ZNF469: variants seen among roughly 807,000 people sequenced by gnomAD.
ZNF469 encodes zinc finger protein 469.
ZNF469 carries 1 observed loss-of-function variant against 1.0 expected under a neutral mutation model. That is an observed-to-expected ratio of 1.00 (90% CI 0.35 to 4.73). ZNF469 has a LOEUF of 4.73. Among genes scored for constraint, ZNF469 ranks in the 30% most tolerant of loss-of-function variants. The pLI, the probability that ZNF469 is intolerant of heterozygous loss-of-function variation, is 0.16. For synonymous variants in ZNF469, 2,703 were observed against 2,363.4 expected, an observed-to-expected ratio of 1.14 and a Z score of -4.17; for missense variants, 6,100 against 5,356.3, an observed-to-expected ratio of 1.14 and a Z score of -4.33.
intron 1 of ZNF469, among the ~76,000 whole-genome samples, chr16:88,400,769 G>A (rs1225358991): frequency 6.6e-6 from 1 of 152,082 alleles, no homozygotes; most frequent in Non-Finnish European, 1.5e-5. Flanking sequence ...TCTCTGGGCA[G>A]GTCACCTCAC....
In ZNF469 at chr16:88,429,505, G is replaced by A. The variant is rs551591362; in HGVS notation, c.2035G>A (p.Glu679Lys). 4,362 of 1,456,634 alleles carry A rather than the reference G, an allele frequency of 3.0e-3. 76 individuals carry two copies. In the South Asian group the frequency reaches 0.036, roughly 12 times the overall value. The allele number at this position is 1,456,634 out of a possible 1,614,324, so 90.2% of individuals were successfully genotyped here. Residue 679 changes from glutamate (E) to lysine (K), a missense_variant, in exon 3 of 3, where the codon GAG becomes AAG. Coordinates refer to ENST00000565624, the MANE Select transcript of ZNF469 (RefSeq NM_001367624.2). ...FPFPADGLGA[E>K]GAFQCLEETP... ...TTTTCCCGCAGATGGGCTGGGAGCC[G>A]AGGGTGCCTTCCAGTGCCTGGAGGA...
At chr16:88,119,046 C>G in the ZNF469 span, among the ~76,000 whole-genome samples, 12 of 152,158 alleles carry the variant, frequency 7.9e-5, no homozygotes, top group South Asian at 1.5e-3. Context: ...TGTTTTTGCT[C>G]GTTTCAAAGT....
intron 1 of ZNF469, among the ~76,000 whole-genome samples, chr16:88,419,619 G>T (rs1905397748): frequency 6.6e-6 from 1 of 152,084 alleles, no homozygotes; most frequent in Admixed American, 6.5e-5. Context: ...CCCACTCCCT[G>T]CCCCTGAAGC....
At chr16:88,138,542 G>A in the ZNF469 span, among the ~76,000 whole-genome samples, 1 of 152,180 alleles carries the variant, frequency 6.6e-6, no homozygotes, top group Non-Finnish European at 1.5e-5. Context: ...TCTGCCCCTA[G>A]ACACAATATT....
At chr16:88,159,995 G>T in the ZNF469 span, among the ~76,000 whole-genome samples, 102 of 152,298 alleles carry the variant, frequency 6.7e-4, no homozygotes, top group Non-Finnish European at 1.2e-3. Flanking sequence ...AGGCTGCCTG[G>T]ATCACCTCGG....
At position 88,437,748 on chromosome 16, in the gene ZNF469, C is replaced by G. The variant is rs1379644612; in HGVS notation, c.10278C>G (p.Thr3426=). The change falls in exon 3 of 3, where the codon ACC becomes ACG. Residue 3426 remains threonine (T), a synonymous_variant. Coordinates refer to ENST00000565624, the MANE Select transcript of ZNF469 (RefSeq NM_001367624.2). ...TCGCCTGCAGCTCCTGCAACTACAC[C>G]TTCGCCAAGAAGGAGCAGTTCGACC... ...KSFACSSCNY[T]FAKKEQFDRH... is the part of the protein sequence containing the mutation. 9 of 1,549,696 alleles carry G rather than the reference C, an allele frequency of 5.8e-6. No individual in the cohort carries two copies. The highest frequency in any genetic ancestry group is 7.8e-6 in the Non-Finnish European group (9 of 1,146,620).
At chr16:88,204,297 A>G in the ZNF469 span, among the ~76,000 whole-genome samples, 3 of 152,208 alleles carry the variant, frequency 2.0e-5, no homozygotes, top group African/African-American at 7.2e-5. Flanking sequence ...GTAACCTCAT[A>G]GAGCAGCTGG....
chr16:88,146,068 C>T, the ZNF469 span, among the ~76,000 whole-genome samples: 4 of 152,228 alleles, frequency 2.6e-5, no homozygotes, highest in Non-Finnish European at 2.9e-5. Context: ...ACACGGTGCC[C>T]GGTGCAGGGC....
the ZNF469 span, among the ~76,000 whole-genome samples, chr16:88,346,908 C>T: frequency 7.9e-5 from 12 of 152,202 alleles, no homozygotes; most frequent in Admixed American, 7.8e-4. Flanking sequence ...GAATGAAAAT[C>T]GGCAGCCGGG....
At chr16:88,113,583 G>C in the ZNF469 span, among the ~76,000 whole-genome samples, 1 of 152,180 alleles carries the variant, frequency 6.6e-6, no homozygotes, top group Admixed American at 6.5e-5. Flanking sequence ...CCAGCCCTGG[G>C]GAAGGCCATG....
chr16:88,215,209 G>T, the ZNF469 span, among the ~76,000 whole-genome samples: 1 of 151,878 alleles, frequency 6.6e-6, no homozygotes, highest in Non-Finnish European at 1.5e-5. Context: ...TGTAATTACT[G>T]AAATACTTGC....
chr16:88,373,639 C>T, the ZNF469 span, among the ~76,000 whole-genome samples: 1 of 152,204 alleles, frequency 6.6e-6, no homozygotes, highest in African/African-American at 2.4e-5. Context: ...GCTCACATCA[C>T]AGTCACATTG....
rs1479406752 is a variant in ZNF469 at position 88,424,076 on chromosome 16, AGC to A, written c.-191-729_-191-728del. ...TGCCCTTTGACGCAGCTAGGCCCAC[AGC>A]GTTTGGAGCACAGGCTGTCGCCATG... is the stretch of plus-strand genomic sequence containing the variant. On this transcript the variant is annotated intron_variant, in intron 1 of 2. Coordinates refer to ENST00000565624, the MANE Select transcript of ZNF469 (RefSeq NM_001367624.2). This position sits in a 1 kb window ranked among gnomAD's most constrained non-coding sequence, Gnocchi z 4.3. Among the ~76,000 whole-genome samples the A allele has an allele frequency of 2.0e-5, 3 of 152,252 alleles. No individual in the cohort carries two copies. The highest frequency in any genetic ancestry group is 7.2e-5 in the African/African-American group (3 of 41,476).
the ZNF469 span, among the ~76,000 whole-genome samples, chr16:88,247,468 ATGAG>A: frequency 0.067 from 8,737 of 130,228 alleles, 803 homozygotes; most frequent in African/African-American, 0.2. Flanking sequence ...GAATGAATGA[ATGAG>A]TGAGTGAATG....
At chr16:88,264,212 A>G in the ZNF469 span, among the ~76,000 whole-genome samples, 1 of 152,158 alleles carries the variant, frequency 6.6e-6, no homozygotes, top group East Asian at 1.9e-4. Context: ...TGCTTCCAGG[A>G]GGAGCTTGTC....
At chr16:88,219,188 A>G in the ZNF469 span, among the ~76,000 whole-genome samples, 3 of 149,040 alleles carry the variant, frequency 2.0e-5, no homozygotes, top group Non-Finnish European at 3.0e-5. Context: ...AAATGGCCAT[A>G]CTGCCCAAGG....
At chr16:88,270,310 A>G in the ZNF469 span, among the ~76,000 whole-genome samples, 1 of 152,172 alleles carries the variant, frequency 6.6e-6, no homozygotes, top group Admixed American at 6.5e-5. Flanking sequence ...GGTGAAGGGG[A>G]GGAGATCTGG....
the ZNF469 span, among the ~76,000 whole-genome samples, chr16:88,134,084 C>T: frequency 1.4e-5 from 2 of 142,290 alleles, no homozygotes; most frequent in Non-Finnish European, 3.1e-5. Context: ...GGCAACAGAG[C>T]GAGTCTCTGT....
At chr16:88,154,787 C>T in the ZNF469 span, among the ~76,000 whole-genome samples, 18 of 152,304 alleles carry the variant, frequency 1.2e-4, no homozygotes, top group South Asian at 8.3e-4. Flanking sequence ...ATCGAGGGGA[C>T]GGTGAACGCA....
Sources: gnomAD v4.1 joint callset for allele counts (sites outside exome capture counted in the v4.1 genomes callset) on GRCh38, gnomAD v4.1.1 for gene constraint, Gnocchi (gnomAD v3.1) non-coding constraint, MANE v1.5 for transcripts, NCBI Gene and HGNC (gene_info 2026-07-23, HGNC 2026-07-21) for gene names.